ANKFY1: variants seen among roughly 807,000 people sequenced by gnomAD.
ANKFY1 encodes ankyrin repeat and FYVE domain containing 1.
A neutral mutation model predicts 128.3 loss-of-function variants in ANKFY1; 47 were observed. That is an observed-to-expected ratio of 0.37 (90% CI 0.29 to 0.47). The LOEUF is 0.47. Ranked by LOEUF, ANKFY1 falls within the 20% of genes least tolerant of loss-of-function variation. The probability of loss-of-function intolerance (pLI) is 1.00; values close to 1 mark genes in which losing one functional copy is unlikely to be tolerated. For synonymous variants in ANKFY1, 553 were observed against 601.6 expected, an observed-to-expected ratio of 0.92 and a Z score of 1.18; for missense variants, 1,222 against 1,510.6, an observed-to-expected ratio of 0.81 and a Z score of 3.17.
At chr17:4,195,293 A>T in intron 9 of ANKFY1, 110 bp downstream of exon 9, 1 of 1,415,374 alleles carries the variant, frequency 7.1e-7, no homozygotes, top group Non-Finnish European at 9.7e-7. Context: ...TTTTTAGCTC[A>T]CTTTAACTTC....
intron 7 of ANKFY1, among the ~76,000 whole-genome samples, chr17:4,201,807 G>C (rs574824413): frequency 6.6e-6 from 1 of 152,142 alleles, no homozygotes; most frequent in African/African-American, 2.4e-5. Context: ...ATGCATATAG[G>C]GGGTTAGGCT....
At chr17:4,256,205 G>A (rs939713302) in intron 1 of ANKFY1, among the ~76,000 whole-genome samples, 3 of 152,040 alleles carry the variant, frequency 2.0e-5, no homozygotes, top group Non-Finnish European at 4.4e-5. Context: ...AAGGCGGGCG[G>A]ATTACGAACT....
At chr17:4,235,643 T>C (rs1966877643) in intron 3 of ANKFY1, 129 bp downstream of exon 3, 1 of 698,994 alleles carries the variant, frequency 1.4e-6, no homozygotes, top group East Asian at 2.5e-5. Context: ...AACTAGTTCA[T>C]GGTTGCCATC....
At position 4,179,036 on chromosome 17, in the gene ANKFY1, T is replaced by G. The variant is rs746820077; in HGVS notation, c.2419A>C (p.Ile807Leu). The change falls in exon 18 of 25, where the codon ATC becomes CTC. Residue 807 changes from isoleucine to leucine, a missense_variant. Ile to Leu is a conservative substitution (Grantham distance 5). Coordinates refer to ENST00000341657, the MANE Select transcript of ANKFY1 (RefSeq NM_001330063.2). ...NAQDAEGRTPIHVAISSQHGV... is the reference protein window; with the variant it reads ...NAQDAEGRTPLHVAISSQHGV... ...TGTTGGCTGCTGATGGCCACGTGGATGGGGGTTCTTCCTTCTGCATCCTAT... is the reference window on the plus strand; with the variant it reads ...TGTTGGCTGCTGATGGCCACGTGGAGGGGGGTTCTTCCTTCTGCATCCTAT... 2 of 1,614,148 alleles carry G rather than the reference T, an allele frequency of 1.2e-6. No homozygotes were observed. Among genetic ancestry groups the G allele is most frequent in the South Asian group, 2.2e-5 (2 of 91,082 alleles).
rs1048132630 is a variant in ANKFY1 at position 4,181,570 on chromosome 17, A to G, written c.2122-198T>C. The stretch of plus-strand genomic sequence containing the variant: ...AAATTTGCTGTGTGCAAGTTCGTGC[A>G]CTAGGTCCTGTGGGACAGACTTGGG... On this transcript the variant is annotated intron_variant, in intron 15 of 24. Transcript: ENST00000341657. The surrounding 1 kb of genome is among the most constrained non-coding windows in gnomAD (Gnocchi z 4.9). Among the ~76,000 whole-genome samples the G allele has an allele frequency of 3.9e-5, 6 of 152,266 alleles. No individual in the cohort carries two copies. Among genetic ancestry groups the G allele is most frequent in the African/African-American group, 1.4e-4 (6 of 41,474 alleles).
At chr17:4,202,121 G>C (rs551585927) in intron 7 of ANKFY1, among the ~76,000 whole-genome samples, 1 of 152,324 alleles carries the variant, frequency 6.6e-6, no homozygotes, top group South Asian at 2.1e-4. Context: ...AATACATAGT[G>C]GCCGGGCGCA....
At chr17:4,184,773 G>A (rs781071986) in intron 12 of ANKFY1, 45 bp downstream of exon 12, 1 of 1,574,732 alleles carries the variant, frequency 6.4e-7, no homozygotes, top group Admixed American at 1.7e-5. Flanking sequence ...ATCCTAAACT[G>A]CTGTCCCCAA....
rs114616825 is a variant in ANKFY1 at position 4,189,532 on chromosome 17, C to T, written c.1373-53G>A. On this transcript the variant is annotated intron_variant, in intron 10 of 24. Coordinates refer to ENST00000341657, the MANE Select transcript of ANKFY1 (RefSeq NM_001330063.2). ...TTCTGTTTGCATCAAAATGCGGTCA[C>T]GCTGCACAACACCCTGCTCTTCCCT... The T allele has an allele frequency of 9.9e-4, 1,424 of 1,433,916 alleles. 11 individuals carry two copies. The African/African-American group carries it at 0.018, about 18-fold the overall frequency. 88.8% of individuals were successfully genotyped at this position (1,433,916 alleles called of 1,614,324 possible).
chr17:4,175,936 C>T (rs984448335), intron 19 of ANKFY1, among the ~76,000 whole-genome samples: 1 of 152,192 alleles, frequency 6.6e-6, no homozygotes, highest in African/African-American at 2.4e-5. Flanking sequence ...TCATGCCGGG[C>T]CCCAGGAAGG....
chr17:4,254,475 A>C (rs754686207), intron 1 of ANKFY1, among the ~76,000 whole-genome samples: 26 of 152,172 alleles, frequency 1.7e-4, no homozygotes, highest in Non-Finnish European at 3.5e-4. Flanking sequence ...CAGGTGGAAG[A>C]ATCAGGAAAA....
chr17:4,253,488 C>T (rs931554940), intron 1 of ANKFY1, among the ~76,000 whole-genome samples: 4 of 152,120 alleles, frequency 2.6e-5, no homozygotes, highest in East Asian at 1.9e-4. Context: ...TGGGATGTAC[C>T]GTGACATCTT....
intron 19 of ANKFY1, among the ~76,000 whole-genome samples, chr17:4,176,027 C>T (rs377018242): frequency 7.2e-5 from 11 of 152,270 alleles, no homozygotes; most frequent in African/African-American, 2.6e-4. Flanking sequence ...CGATTCCCTA[C>T]GACTTTGGGA....
At chr17:4,256,424 T>C (rs570743927) in intron 1 of ANKFY1, among the ~76,000 whole-genome samples, 1 of 151,964 alleles carries the variant, frequency 6.6e-6, no homozygotes, top group South Asian at 2.1e-4. Context: ...CGAGACTCCA[T>C]CTCAAAAAAA....
intron 3 of ANKFY1, among the ~76,000 whole-genome samples, chr17:4,235,323 AGAGT>A (rs1451027648): frequency 2.2e-5 from 3 of 139,158 alleles, no homozygotes; most frequent in East Asian, 4.2e-4. Flanking sequence ...CCTGGGTAAC[AGAGT>A]GAGACTCTGT....
At chr17:4,220,090 G>A (rs757928426) in intron 3 of ANKFY1, among the ~76,000 whole-genome samples, 61 of 152,200 alleles carry the variant, frequency 4.0e-4, no homozygotes, top group Non-Finnish European at 7.3e-4. Context: ...CTCCCAAAGT[G>A]CTGGGATTAC....
chr17:4,210,456 C>A (rs2060105478), intron 4 of ANKFY1, among the ~76,000 whole-genome samples: 2 of 152,194 alleles, frequency 1.3e-5, no homozygotes, highest in Admixed American at 6.5e-5. Flanking sequence ...CGCCTGTAAT[C>A]CCAGCGCTTT....
At chr17:4,217,388 A>C (rs1236979097) in intron 3 of ANKFY1, among the ~76,000 whole-genome samples, 1 of 152,106 alleles carries the variant, frequency 6.6e-6, no homozygotes, top group Admixed American at 6.5e-5. Flanking sequence ...GTCTACTAAA[A>C]ATACAAAAAA....
intron 3 of ANKFY1, among the ~76,000 whole-genome samples, chr17:4,228,353 G>T (rs1001483850): frequency 6.6e-6 from 1 of 151,768 alleles, no homozygotes; most frequent in African/African-American, 2.4e-5. Context: ...AGAAGTGGAT[G>T]GCAAAAGGGA....
Position 4,165,139 on chromosome 17 carries a change from C to T in ANKFY1, c.*2640G>A, listed in dbSNP as rs777538158. 1 of 152,100 alleles carries T rather than the reference C, an allele frequency of 6.6e-6. No homozygotes were observed. Among genetic ancestry groups the T allele is most frequent in the African/African-American group, 2.4e-5 (1 of 41,406 alleles). The allele number at this position is 152,100 out of a possible 1,614,324, so 9.4% of individuals were successfully genotyped here. A position where few individuals can be genotyped will look rare whatever the true frequency, so the allele number is the denominator to read the frequency against. On this transcript the variant is annotated 3_prime_UTR_variant, in exon 25 of 25. Coordinates refer to ENST00000341657, the MANE Select transcript of ANKFY1 (RefSeq NM_001330063.2). ...TCATAGCAAATTAGTTTAAGCCATT[C>T]GATTTATATATAGCACATGGTCCGT...
Sources: allele counts gnomAD v4.1 joint callset (sites outside exome capture counted in the v4.1 genomes callset), GRCh38; gene constraint gnomAD v4.1.1; non-coding constraint Gnocchi (gnomAD v3.1); transcripts MANE v1.5; gene names NCBI Gene and HGNC (gene_info 2026-07-23, HGNC 2026-07-21).